CTNNA3: variants seen among roughly 807,000 people sequenced by gnomAD.
CTNNA3 encodes the protein catenin alpha-3.
CTNNA3 carries 76 observed loss-of-function variants against 95.7 expected under a neutral mutation model. The ratio of observed to expected loss-of-function variants is 0.79; its 90% CI spans 0.66 to 0.96. The LOEUF (loss-of-function observed/expected upper bound fraction) is 0.96. CTNNA3 is among the 40% of genes least tolerant of loss of function. The pLI, the probability that CTNNA3 is intolerant of heterozygous loss-of-function variation, is 0.00. For missense variants in CTNNA3, 1,191 were observed against 1,089.8 expected, an observed-to-expected ratio of 1.09 and a Z score of -1.31; for synonymous variants, 431 against 374.4, an observed-to-expected ratio of 1.15 and a Z score of -1.74.
intron 1 of CTNNA3, among the ~76,000 whole-genome samples, chr10:67,660,144 T>C (rs1340054140): frequency 6.6e-6 from 1 of 152,242 alleles, no homozygotes; most frequent in Admixed American, 6.5e-5. Flanking sequence ...AAAAAGTCTC[T>C]GCTAGAATCT....
At position 66,265,384 on chromosome 10, in the gene CTNNA3, C is replaced by G. The variant is rs79580599; in HGVS notation, c.1884+15086G>C. Among the ~76,000 whole-genome samples the G allele has an allele frequency of 1.1e-3, 164 of 152,046 alleles. 1 individual carries two copies. Among genetic ancestry groups the G allele is most frequent in the African/African-American group, 3.8e-3 (158 of 41,526 alleles). ...AACATACTTTTGGAAAGTCAACATT[C>G]AACAAAATCAAGAGGAAACTTCTTA... On this transcript the variant is annotated intron_variant, in intron 13 of 17. Coordinates refer to ENST00000433211, the MANE Select transcript of CTNNA3 (RefSeq NM_013266.4).
Position 66,896,733 on chromosome 10 carries a change from G to A in CTNNA3, c.1048-121209C>T, listed in dbSNP as rs561262796. ...GTTTCTCTAGCCTCCTCTTGCTAGC[G>A]TCCATGCTCTCATTTCATCATCCAT... On this transcript the variant is annotated intron_variant, in intron 7 of 17. Coordinates refer to ENST00000433211, the MANE Select transcript of CTNNA3 (RefSeq NM_013266.4). 3.3e-5 allele frequency among the ~76,000 whole-genome samples: 5 copies of A among 152,180 alleles called. No individual in the cohort carries two copies. The South Asian group carries it at 6.2e-4, about 19-fold the overall frequency.
At chr10:66,717,435 G>A (rs1048158341) in intron 9 of CTNNA3, among the ~76,000 whole-genome samples, 1 of 152,174 alleles carries the variant, frequency 6.6e-6, no homozygotes, top group African/African-American at 2.4e-5. Flanking sequence ...AGGTTTCAAA[G>A]TCTGTCTCCT....
At chr10:66,404,124 T>C (rs767656367) in intron 11 of CTNNA3, among the ~76,000 whole-genome samples, 1 of 152,136 alleles carries the variant, frequency 6.6e-6, no homozygotes, top group Non-Finnish European at 1.5e-5. Flanking sequence ...ACTGGACTCA[T>C]GACTCTTGAA....
intron 13 of CTNNA3, among the ~76,000 whole-genome samples, chr10:66,273,072 T>G (rs1002227816): frequency 1.3e-5 from 2 of 152,216 alleles, no homozygotes; most frequent in Non-Finnish European, 2.9e-5. Context: ...ATTCTTACTG[T>G]AGATCTTAGT....
chr10:67,700,462 G>A (rs564528274), upstream of CTNNA3, among the ~76,000 whole-genome samples: 1 of 152,268 alleles, frequency 6.6e-6, no homozygotes, highest in African/African-American at 2.4e-5. Flanking sequence ...CAGCATTCAC[G>A]GTTCACGAAA....
chr10:66,885,105 G>T (rs1216440618), intron 7 of CTNNA3, among the ~76,000 whole-genome samples: 3 of 152,134 alleles, frequency 2.0e-5, no homozygotes, highest in Non-Finnish European at 2.9e-5. Context: ...TCACTGGCAA[G>T]ATGAGACTAC....
chr10:66,857,956 T>G (rs899812089), intron 7 of CTNNA3, among the ~76,000 whole-genome samples: 4 of 152,102 alleles, frequency 2.6e-5, no homozygotes, highest in African/African-American at 9.7e-5. Flanking sequence ...GTATGAGTGG[T>G]GAGACAGGGC....
At chr10:67,635,774 T>C (rs1168614638) in intron 2 of CTNNA3, among the ~76,000 whole-genome samples, 1 of 152,152 alleles carries the variant, frequency 6.6e-6, no homozygotes. Flanking sequence ...ATGCCCTCTC[T>C]TACCACTCCT....
chr10:66,950,827 T>A (rs1489683834), intron 7 of CTNNA3, among the ~76,000 whole-genome samples: 1 of 152,122 alleles, frequency 6.6e-6, no homozygotes, highest in African/African-American at 2.4e-5. Context: ...AGAGAGAGAT[T>A]TTAGAGGCTT....
At chr10:66,742,660 C>A (rs905717153) in intron 9 of CTNNA3, among the ~76,000 whole-genome samples, 3 of 152,184 alleles carry the variant, frequency 2.0e-5, no homozygotes, top group African/African-American at 7.2e-5. Context: ...CTTTATTTCT[C>A]AGACCGGCTG....
intron 7 of CTNNA3, among the ~76,000 whole-genome samples, chr10:67,038,182 G>A (rs1401666981): frequency 6.6e-6 from 1 of 151,958 alleles, no homozygotes; most frequent in East Asian, 1.9e-4. Context: ...AATTCAGTTG[G>A]ATAATCCTCC....
At chr10:67,419,957 T>C (rs1337736985) in intron 5 of CTNNA3, among the ~76,000 whole-genome samples, 1 of 152,092 alleles carries the variant, frequency 6.6e-6, no homozygotes, top group Non-Finnish European at 1.5e-5. Context: ...GTTCAAGGGA[T>C]TCTCCCACTT....
intron 9 of CTNNA3, among the ~76,000 whole-genome samples, chr10:66,689,195 A>C (rs1212484633): frequency 6.6e-6 from 1 of 152,072 alleles, no homozygotes; most frequent in Admixed American, 6.5e-5. Flanking sequence ...CAGAGGGGGA[A>C]TGAAGGTTAG....
Position 67,641,695 on chromosome 10 carries a change from A to T in CTNNA3, c.99+5720T>A, listed in dbSNP as rs59722596. Among the ~76,000 whole-genome samples the T allele has an allele frequency of 4.0e-3, 608 of 152,274 alleles. 17 individuals carry two copies. In the Middle Eastern group the frequency reaches 0.051, roughly 13 times the overall value. The stretch of plus-strand genomic sequence containing the variant: ...TGCAGCCATAAAAAATGATGAGTTC[A>T]TGTCCTTTGTAGGGACATGGATGAA... On this transcript the variant is annotated intron_variant, in intron 2 of 17. Coordinates refer to ENST00000433211, the MANE Select transcript of CTNNA3 (RefSeq NM_013266.4).
At chr10:66,651,528 G>A (rs1845898153) in intron 9 of CTNNA3, among the ~76,000 whole-genome samples, 1 of 152,102 alleles carries the variant, frequency 6.6e-6, no homozygotes, top group Non-Finnish European at 1.5e-5. Context: ...CGCCCATCGG[G>A]GAGGCTCGGG....
At chr10:66,964,904 CTG>C (rs1238270652) in intron 7 of CTNNA3, among the ~76,000 whole-genome samples, 2 of 152,240 alleles carry the variant, frequency 1.3e-5, no homozygotes, top group Non-Finnish European at 1.5e-5. Context: ...TGTAAAAAAC[CTG>C]TGTTTAGAAA....
chr10:66,977,569 G>A (rs1439368449), intron 7 of CTNNA3, among the ~76,000 whole-genome samples: 1 of 152,160 alleles, frequency 6.6e-6, no homozygotes, highest in Admixed American at 6.5e-5. Context: ...TCACTGTCAC[G>A]TGTAAAATAG....
At chr10:66,129,266 A>G (rs571535876) in intron 13 of CTNNA3, among the ~76,000 whole-genome samples, 93 of 152,314 alleles carry the variant, frequency 6.1e-4, no homozygotes, top group African/African-American at 2.2e-3. Flanking sequence ...CTCTGTCTCA[A>G]AAAACAAAAA....
Sources: gnomAD v4.1 joint callset for allele counts (sites outside exome capture counted in the v4.1 genomes callset) on GRCh38, gnomAD v4.1.1 for gene constraint, MANE v1.5 for transcripts, NCBI Gene and HGNC (gene_info 2026-07-23, HGNC 2026-07-21) for gene names.